Variants in TTC33 observed in about 807,000 individuals in gnomAD.
TTC33 encodes the protein tetratricopeptide repeat domain 33, also known as tetratricopeptide repeat protein 33.
TTC33 carries 24 observed loss-of-function variants against 29.4 expected under a neutral mutation model. The observed-to-expected ratio is 0.82, with a 90% CI of 0.59 to 1.15. TTC33 has a LOEUF of 1.15. TTC33 is among the 50% of genes most tolerant of loss of function. The pLI, the probability that TTC33 is intolerant of heterozygous loss-of-function variation, is 0.00. For synonymous variants in TTC33, 107 were observed against 100.3 expected (o/e 1.07, Z -0.40); for missense variants, 286 against 310.4 (o/e 0.92, Z 0.59).
At chr5:40,738,433 AAT>A (rs1390481852) in intron 2 of TTC33, among the ~76,000 whole-genome samples, 28 of 77,382 alleles carry the variant, frequency 3.6e-4, no homozygotes, top group African/African-American at 1.2e-3. Context: ...AATAAAATAA[AAT>A]ATAAAATAAA....
Position 40,711,620 on chromosome 5 carries a change from C to A in TTC33, c.*4525G>T, listed in dbSNP as rs1741900804. ...CAGCTTTATTCATAATAGATCAAAA[C>A]TTGAAACAACCTAAATGTCCATCAA... On this transcript the variant is annotated 3_prime_UTR_variant, in exon 5 of 5. Transcript: ENST00000337702. Among the ~76,000 whole-genome samples the A allele has an allele frequency of 6.6e-6, 1 of 152,024 alleles. No homozygotes were observed.
Position 40,747,508 on chromosome 5 carries a change from A to G in TTC33, c.-1-489T>C, listed in dbSNP as rs114987945. On this transcript the variant is annotated intron_variant, in intron 1 of 4. Transcript: ENST00000337702. ...TCACTAAGAAAGACAACTGGACATC[A>G]CACACCTCCTGATGGAAGTAGCATG... 7.7e-3 allele frequency among the ~76,000 whole-genome samples: 1,174 copies of G among 152,274 alleles called. 8 individuals are homozygous for G. The highest frequency in any genetic ancestry group is 0.026 in the African/African-American group (1,061 of 41,526).
chr5:40,739,988 T>C (rs952680193), intron 2 of TTC33, among the ~76,000 whole-genome samples: 1 of 152,168 alleles, frequency 6.6e-6, no homozygotes, highest in African/African-American at 2.4e-5. Context: ...TTTACATCCA[T>C]TATTGGCTTA....
chr5:40,751,679 C>T (rs1012390946), intron 1 of TTC33, among the ~76,000 whole-genome samples: 3 of 152,138 alleles, frequency 2.0e-5, no homozygotes, highest in Non-Finnish European at 4.4e-5. Flanking sequence ...AATCTTATGG[C>T]CATGCGCAGT....
chr5:40,752,043 C>T (rs1327861885), intron 1 of TTC33, among the ~76,000 whole-genome samples: 1 of 151,980 alleles, frequency 6.6e-6, no homozygotes, highest in East Asian at 1.9e-4. Context: ...TGGATAACAT[C>T]AGCATTTGCT....
intron 4 of TTC33, among the ~76,000 whole-genome samples, chr5:40,724,853 ATT>A (rs369051268): frequency 0.22 from 30,222 of 137,884 alleles, 3,413 homozygotes; most frequent in Admixed American, 0.36. Flanking sequence ...TTACAAGTGG[ATT>A]TTTTTTTTTT....
At chr5:40,717,231 A>AAC (rs1178549946) in intron 4 of TTC33, among the ~76,000 whole-genome samples, 1 of 146,056 alleles carries the variant, frequency 6.8e-6, no homozygotes, top group African/African-American at 2.6e-5. Context: ...CTCCATCTCA[A>AAC]AAAAAAAAAA....
At chr5:40,743,712 T>C (rs1473471636) in intron 2 of TTC33, among the ~76,000 whole-genome samples, 1 of 152,122 alleles carries the variant, frequency 6.6e-6, no homozygotes, top group Non-Finnish European at 1.5e-5. Context: ...AGAAGGAGGT[T>C]GCAGTGAGCC....
intron 3 of TTC33, among the ~76,000 whole-genome samples, chr5:40,729,713 T>G (rs534934614): frequency 6.6e-6 from 1 of 152,316 alleles, no homozygotes; most frequent in Non-Finnish European, 1.5e-5. Context: ...TTATTTATTT[T>G]TTTGAGATGG....
rs116254429 is a variant in TTC33 at position 40,752,876 on chromosome 5, G to A, written c.-2+2948C>T. 6.6e-3 allele frequency among the ~76,000 whole-genome samples: 1,000 copies of A among 152,270 alleles called. 8 individuals carry two copies. The highest frequency in any genetic ancestry group is 0.023 in the African/African-American group (941 of 41,548). ...TGCAAAAACGCAGTATCTATGAAGT[G>A]TGATAAAGTGAAGCACAATAAAATG... On this transcript the variant is annotated intron_variant, in intron 1 of 4. Transcript: ENST00000337702.
chr5:40,749,193 A>C (rs1742851914), intron 1 of TTC33, among the ~76,000 whole-genome samples: 1 of 152,232 alleles, frequency 6.6e-6, no homozygotes, highest in South Asian at 2.1e-4. Flanking sequence ...TGATAAAACA[A>C]AGTTAACAGA....
intron 3 of TTC33, among the ~76,000 whole-genome samples, chr5:40,729,579 C>T (rs564825522): frequency 6.6e-6 from 1 of 152,184 alleles, no homozygotes; most frequent in Non-Finnish European, 1.5e-5. Flanking sequence ...ATCTAGAACC[C>T]AATCCATCCT....
intron 2 of TTC33, among the ~76,000 whole-genome samples, chr5:40,730,742 A>C (rs972959712): frequency 6.6e-6 from 1 of 152,210 alleles, no homozygotes. Context: ...AAGGATTAGC[A>C]AATTAAGTCC....
chr5:40,731,516 A>T (rs950254296), intron 2 of TTC33, among the ~76,000 whole-genome samples: 5 of 152,210 alleles, frequency 3.3e-5, no homozygotes, highest in African/African-American at 1.2e-4. Context: ...GCAGAAGGGG[A>T]AGCAAACACA....
intron 2 of TTC33, among the ~76,000 whole-genome samples, chr5:40,738,286 C>T (rs1028403046): frequency 2.6e-5 from 4 of 151,500 alleles, no homozygotes; most frequent in Admixed American, 6.6e-5. Flanking sequence ...GAGTGGTGCG[C>T]GCCTGTAATC....
At chr5:40,736,268 GCAAAACCA>G (rs1285572963) in intron 2 of TTC33, among the ~76,000 whole-genome samples, 3 of 152,118 alleles carry the variant, frequency 2.0e-5, no homozygotes, top group African/African-American at 7.2e-5. Context: ...AGAGCATGAG[GCAAAACCA>G]CTGTCATTAA....
intron 2 of TTC33, among the ~76,000 whole-genome samples, chr5:40,734,328 A>AC (rs1488126268): frequency 3.9e-5 from 6 of 152,226 alleles, no homozygotes. Context: ...AACAGACTGA[A>AC]CAGACACAGC....
At position 40,715,816 on chromosome 5, in the gene TTC33, C is replaced by T. The variant is rs1741984715; in HGVS notation, c.*329G>A. 1 of 200,964 alleles carries T rather than the reference C, an allele frequency of 5.0e-6. No individual in the cohort carries two copies. The highest frequency in any genetic ancestry group is 1.7e-4 in the South Asian group (1 of 5,756). 12.4% of individuals were successfully genotyped at this position (200,964 alleles called of 1,614,324 possible). A position where few individuals can be genotyped will look rare whatever the true frequency, so the allele number is the denominator to read the frequency against. ...AAAAGTTGAGACAGCATTTCAGTAA[C>T]ATTGATCAAATTATTCACTATTCAA... On this transcript the variant is annotated 3_prime_UTR_variant, in exon 5 of 5. Coordinates refer to ENST00000337702, the MANE Select transcript of TTC33 (RefSeq NM_012382.3).
At chr5:40,747,095 G>A (rs1051167983) in intron 1 of TTC33, 76 bp from the exon 2 acceptor site, 13 of 1,335,484 alleles carry the variant, frequency 9.7e-6, no homozygotes, top group East Asian at 9.5e-5. Context: ...TCTCACTCTC[G>A]TTGCCCAGGC....
Sources: allele counts gnomAD v4.1 joint callset (sites outside exome capture counted in the v4.1 genomes callset), GRCh38; gene constraint gnomAD v4.1.1; transcripts MANE v1.5; gene names NCBI Gene and HGNC (gene_info 2026-07-23, HGNC 2026-07-21).